The following PCNA variants were observed in gnomAD, a reference collection of about 807,000 sequenced individuals.
PCNA encodes the protein proliferating cell nuclear antigen.
Under a neutral mutation model 27.8 loss-of-function variants are expected in PCNA, and 4 were observed. The ratio of observed to expected loss-of-function variants is 0.14; its 90% CI spans 0.07 to 0.33. The LOEUF (loss-of-function observed/expected upper bound fraction) is 0.33. Among genes scored for constraint, PCNA ranks in the 10% least tolerant of loss-of-function variants. PCNA has a pLI of 1.00. For missense variants in PCNA, 165 were observed against 327.4 expected (o/e 0.50, Z 3.83); for synonymous variants, 121 against 119.4 (o/e 1.01, Z -0.09).
At chr20:5,126,523 C>G (rs920022232) in exon 1 of PCNA, 5 of 152,252 alleles carry the variant, frequency 3.3e-5, no homozygotes, top group African/African-American at 1.2e-4. Context: ...GAGCTCTGGC[C>G]CAGGTCAGCA....
intron 4 of PCNA, 125 bp downstream of exon 4, chr20:5,117,345 A>G: frequency 1.5e-6 from 1 of 669,330 alleles, no homozygotes; most frequent in East Asian, 2.7e-5. Context: ...AGATTTCAAC[A>G]GTATCTCAAT....
chr20:5,116,278 C>T (rs376027900), intron 4 of PCNA, among the ~76,000 whole-genome samples: 5 of 152,038 alleles, frequency 3.3e-5, no homozygotes, highest in Middle Eastern at 3.4e-3. Context: ...TGTAGTGAAC[C>T]GACTGCACCA....
intron 3 of PCNA, among the ~76,000 whole-genome samples, chr20:5,117,981 G>A (rs2090487554): frequency 6.6e-6 from 1 of 152,186 alleles, no homozygotes; most frequent in African/African-American, 2.4e-5. Context: ...AATATATTAG[G>A]CATTTTCAAC....
chr20:5,126,023 C>T (rs2090545591), intron 1 of PCNA, among the ~76,000 whole-genome samples: 1 of 152,156 alleles, frequency 6.6e-6, no homozygotes, highest in African/African-American at 2.4e-5. Flanking sequence ...CACCTGAGGT[C>T]AGGAGTTCGA....
chr20:5,118,715 C>T lies in PCNA; in HGVS notation c.320-38G>A, dbSNP rs761314717. 3.8e-5 allele frequency: 61 copies of T among 1,607,782 alleles called. No homozygotes were observed. The East Asian group carries it at 1.3e-3, about 35-fold the overall frequency. ...AGCAGATGCTTTTGAGAAATACTGA[C>T]ACAGAGTTTTGATTTTCTGTAGCTT... On this transcript the variant is annotated intron_variant, in intron 2 of 5. Coordinates refer to ENST00000379143, the MANE Select transcript of PCNA (RefSeq NM_182649.2).
chr20:5,124,321 A>G (rs1448499648), upstream of PCNA, among the ~76,000 whole-genome samples: 1 of 152,196 alleles, frequency 6.6e-6, no homozygotes, highest in Admixed American at 6.6e-5. Flanking sequence ...AGGGGCATTT[A>G]CCAAGATCAA....
chr20:5,117,682 T>G lies in PCNA; in HGVS notation c.388-18A>C, dbSNP rs911723812. On this transcript the variant is annotated intron_variant, in intron 3 of 5. Transcript: ENST00000379143. The stretch of plus-strand genomic sequence containing the variant: ...TCCTGTTCCTATTAAGAACAAAAAT[T>G]TTCCAAAAGTTAATTGTTAGAAATT... The G allele has an allele frequency of 6.7e-7, 1 of 1,501,640 alleles. No individual in the cohort carries two copies. The highest frequency in any genetic ancestry group is 1.8e-4 in the Middle Eastern group (1 of 5,672). 93.0% of individuals were successfully genotyped at this position (1,501,640 alleles called of 1,614,324 possible). A position where few individuals can be genotyped will look rare whatever the true frequency, so the allele number is the denominator to read the frequency against.
intron 1 of PCNA, 53 bp from the exon 2 acceptor site, chr20:5,118,919 G>A (rs1255468924): frequency 7.7e-7 from 1 of 1,291,024 alleles, no homozygotes. Context: ...CTGAAGGGCT[G>A]TATTTCGAAC....
intron 3 of PCNA, 67 bp downstream of exon 3, chr20:5,118,543 A>G: frequency 8.5e-7 from 1 of 1,181,652 alleles, no homozygotes. Context: ...AAAAATAAAC[A>G]AACATTCTAT....
chr20:5,116,780 G>A (rs536370112), intron 4 of PCNA, among the ~76,000 whole-genome samples: 2 of 152,296 alleles, frequency 1.3e-5, no homozygotes, highest in African/African-American at 4.8e-5. Context: ...AGCATTCCAA[G>A]TAGCTGGGAT....
upstream of PCNA, chr20:5,120,172 G>A: frequency 3.9e-6 from 1 of 253,240 alleles, no homozygotes; most frequent in South Asian, 3.9e-5. Flanking sequence ...GAACCCGGCC[G>A]CAGAACAAGT....
rs1411688975 is a variant in PCNA at position 5,119,560 on chromosome 20, C to T, written c.221+18G>A. Reference sequence around the variant, plus strand: ...TGCAGGCGGGCCGGGGCCGGCTTCCCGGGGCCGCGAGGCTCACCTGGTGAG... The same window carrying T: ...TGCAGGCGGGCCGGGGCCGGCTTCCTGGGGCCGCGAGGCTCACCTGGTGAG... On this transcript the variant is annotated intron_variant, in intron 1 of 5. Coordinates refer to ENST00000379143, the MANE Select transcript of PCNA (RefSeq NM_182649.2). The T allele has an allele frequency of 1.9e-6, 3 of 1,600,360 alleles. No individual in the cohort carries two copies. Among genetic ancestry groups the T allele is most frequent in the Admixed American group, 1.7e-5 (1 of 59,006 alleles).
intron 3 of PCNA, 108 bp downstream of exon 3, chr20:5,118,502 G>A (rs911189733): frequency 5.0e-6 from 4 of 793,264 alleles, no homozygotes; most frequent in African/African-American, 3.4e-5. Context: ...CTGCACTCCA[G>A]CCTGGGCAAC....
intron 1 of PCNA, among the ~76,000 whole-genome samples, chr20:5,119,270 T>G (rs761139108): frequency 6.6e-6 from 1 of 151,708 alleles, no homozygotes; most frequent in Non-Finnish European, 1.5e-5. Context: ...AAAGCGTCCA[T>G]TCAAGGCCAA....
chr20:5,126,294 G>T (rs940598817), intron 1 of PCNA, among the ~76,000 whole-genome samples: 1 of 152,150 alleles, frequency 6.6e-6, no homozygotes, highest in African/African-American at 2.4e-5. Flanking sequence ...GCCATGTGTG[G>T]ATTAAACGAG....
chr20:5,123,870 A>G (rs2090530665), upstream of PCNA, among the ~76,000 whole-genome samples: 1 of 152,206 alleles, frequency 6.6e-6, no homozygotes, highest in Non-Finnish European at 1.5e-5. Flanking sequence ...GAATAACCAT[A>G]CAAGTTTTAA....
chr20:5,115,621 C>T (rs1206099480), intron 4 of PCNA, 49 bp from the exon 5 acceptor site: 11 of 1,483,736 alleles, frequency 7.4e-6, no homozygotes, highest in Non-Finnish European at 1.0e-5. Flanking sequence ...AAGTTGCAAT[C>T]TATTAGCTCA....
chr20:5,116,255 T>TGGA (rs2090474179), intron 4 of PCNA, among the ~76,000 whole-genome samples: 1 of 152,074 alleles, frequency 6.6e-6, no homozygotes, highest in Non-Finnish European at 1.5e-5. Flanking sequence ...ACTTAAGCCC[T>TGGA]GGAGTTTGAG....
chr20:5,115,018 C>A lies in PCNA; in HGVS notation c.*265G>T, dbSNP rs2090465335. ...CAATTCTTAAAACTGCATTTAGAGT[C>A]AAGACCCTTTTGTATTATAAAAATC... On this transcript the variant is annotated 3_prime_UTR_variant, in exon 6 of 6. Coordinates refer to ENST00000379143, the MANE Select transcript of PCNA (RefSeq NM_182649.2). The A allele has an allele frequency of 9.7e-6, 3 of 310,244 alleles. No individual in the cohort carries two copies. The highest frequency in any genetic ancestry group is 6.6e-5 in the African/African-American group (3 of 45,658). 19.2% of individuals were successfully genotyped at this position (310,244 alleles called of 1,614,324 possible).
Sources: gnomAD v4.1 joint callset for allele counts (sites outside exome capture counted in the v4.1 genomes callset) on GRCh38, gnomAD v4.1.1 for gene constraint, MANE v1.5 for transcripts, NCBI Gene and HGNC (gene_info 2026-07-23, HGNC 2026-07-21) for gene names.